The following RUVBL1 variants were observed in gnomAD, a reference collection of about 807,000 sequenced individuals.
RUVBL1 encodes RuvB like AAA ATPase 1.
A neutral mutation model predicts 52.4 loss-of-function variants in RUVBL1; 4 were observed. That is an observed-to-expected ratio of 0.08 (90% CI 0.04 to 0.17). RUVBL1 has a LOEUF of 0.17. Ranked by LOEUF, RUVBL1 falls within the 10% of genes least tolerant of loss-of-function variation. The pLI is 1.00. For missense variants in RUVBL1, 298 were observed against 572.8 expected, an observed-to-expected ratio of 0.52 and a Z score of 4.90; for synonymous variants, 217 against 214.4, an observed-to-expected ratio of 1.01 and a Z score of -0.10.
chr3:128,114,813 G>C (rs1576470457), intron 2 of RUVBL1, among the ~76,000 whole-genome samples: 1 of 150,808 alleles, frequency 6.6e-6, no homozygotes, highest in Non-Finnish European at 1.5e-5. Context: ...TCCCCGTGGG[G>C]CCACAGGCTG....
chr3:128,153,242 T>TC (rs1350481676), exon 1 of RUVBL1: 4 of 1,340,714 alleles, frequency 3.0e-6, no homozygotes, highest in Non-Finnish European at 3.8e-6. Flanking sequence ...GAAGGATCCC[T>TC]CCATCTCGGG....
intron 8 of RUVBL1, among the ~76,000 whole-genome samples, chr3:128,094,535 T>C (rs1045915040): frequency 6.6e-6 from 1 of 152,196 alleles, no homozygotes; most frequent in Non-Finnish European, 1.5e-5. Flanking sequence ...AGTGAGAGCA[T>C]GGAGTTTGGA....
intron 1 of RUVBL1, among the ~76,000 whole-genome samples, chr3:128,151,623 A>T (rs1169245388): frequency 6.6e-6 from 1 of 152,158 alleles, no homozygotes; most frequent in African/African-American, 2.4e-5. Flanking sequence ...AAACGGAAAC[A>T]AAGATTCTGT....
exon 1 of RUVBL1, chr3:128,153,347 T>C (rs1411908387): frequency 7.2e-7 from 1 of 1,379,952 alleles, no homozygotes; most frequent in Non-Finnish European, 9.3e-7. Context: ...AGCACGGCGC[T>C]CGGCTGTGCC....
Position 128,119,412 on chromosome 3 carries a change from T to C in RUVBL1, c.144A>G (p.Ala48=). The C allele has an allele frequency of 6.2e-7, 1 of 1,611,704 alleles. No homozygotes were observed. The highest frequency in any genetic ancestry group is 1.1e-5 in the South Asian group (1 of 90,846). ...GLVGQENARE[A]CGVIVELIKS... The stretch of plus-strand genomic sequence containing the variant: ...TGATTAATTCTACTATGACGCCACA[T>C]GCCTACACACCACAATGGAAAGAAA... The change falls in exon 2 of 11, where the codon GCA becomes GCG. Residue 48 remains alanine, a splice_region_variant and synonymous_variant. Coordinates refer to ENST00000322623, the MANE Select transcript of RUVBL1 (RefSeq NM_003707.3).
intron 1 of RUVBL1, among the ~76,000 whole-genome samples, chr3:128,149,186 T>G (rs892173265): frequency 6.9e-6 from 1 of 144,484 alleles, no homozygotes; most frequent in East Asian, 2.0e-4. Context: ...TCTTTCTTTC[T>G]TTCTTTTTTT....
intron 1 of RUVBL1, among the ~76,000 whole-genome samples, chr3:128,133,990 C>T (rs1036575627): frequency 6.6e-5 from 10 of 151,848 alleles, no homozygotes; most frequent in East Asian, 1.9e-4. Flanking sequence ...GGAAGCGCAA[C>T]GAAATTCAAG....
upstream of RUVBL1, among the ~76,000 whole-genome samples, chr3:128,127,735 G>A (rs909026553): frequency 1.3e-5 from 2 of 152,148 alleles, no homozygotes; most frequent in Non-Finnish European, 1.5e-5. Context: ...AGTGGCTCAC[G>A]CCTGTAATCC....
chr3:128,145,900 T>A (rs943898007), intron 1 of RUVBL1, among the ~76,000 whole-genome samples: 8 of 152,150 alleles, frequency 5.3e-5, no homozygotes, highest in Admixed American at 4.6e-4. Context: ...TTCCCCTCCC[T>A]GGAGATAACA....
At chr3:128,141,887 T>A (rs1185262725) in intron 1 of RUVBL1, 1 of 152,310 alleles carries the variant, frequency 6.6e-6, no homozygotes, top group Non-Finnish European at 1.5e-5. Context: ...ATGTTTTTAA[T>A]TAATTTTTGT....
At position 128,067,005 on chromosome 3, in the gene RUVBL1, A is replaced by G. The variant is rs775379622; in HGVS notation, c.940-1785T>C. ...GTCGGCCCGCTACCGTGGCCAGTACAACACCTATCCCATCAAGCTCTTCTA... is the reference window on the plus strand; with the variant it reads ...GTCGGCCCGCTACCGTGGCCAGTACGACACCTATCCCATCAAGCTCTTCTA... On this transcript the variant is annotated intron_variant, in intron 9 of 9. Transcript: ENST00000464873. This position sits in a 1 kb window ranked among gnomAD's most constrained non-coding sequence, Gnocchi z 4.1. 6.2e-7 allele frequency: 1 copy of G among 1,614,160 alleles called. No homozygotes were observed. The highest frequency in any genetic ancestry group is 2.2e-5 in the East Asian group (1 of 44,882).
At chr3:128,076,628 C>A (rs1433232744), downstream of RUVBL1, among the ~76,000 whole-genome samples, 1 of 152,040 alleles carries the variant, frequency 6.6e-6, no homozygotes, top group Non-Finnish European at 1.5e-5. This position sits in a 1 kb window ranked among gnomAD's most constrained non-coding sequence, Gnocchi z 6.8. Context: ...TAGGTGTGGT[C>A]CCTCCTCCCC....
intron 8 of RUVBL1, among the ~76,000 whole-genome samples, chr3:128,092,334 A>G (rs1183815361): frequency 6.6e-6 from 1 of 152,202 alleles, no homozygotes; most frequent in Non-Finnish European, 1.5e-5. Flanking sequence ...AACACAAACA[A>G]CAAAAGAAAA....
intron 1 of RUVBL1, among the ~76,000 whole-genome samples, 186 bp downstream of exon 1, chr3:128,123,398 G>A (rs1450238890): frequency 6.6e-6 from 1 of 152,166 alleles, no homozygotes; most frequent in Admixed American, 6.5e-5. Flanking sequence ...GTATCCTGGG[G>A]CGGCCCCTCA....
At chr3:128,077,157 C>G (rs1307362775), downstream of RUVBL1, among the ~76,000 whole-genome samples, 2 of 152,024 alleles carry the variant, frequency 1.3e-5, no homozygotes, top group Non-Finnish European at 2.9e-5. Flanking sequence ...GATGGCCGCC[C>G]AGCCCGCACG....
At chr3:128,089,718 T>C (rs1473343032) in intron 8 of RUVBL1, among the ~76,000 whole-genome samples, 3 of 152,026 alleles carry the variant, frequency 2.0e-5, no homozygotes, top group Admixed American at 2.0e-4. Flanking sequence ...TCTGGTTTCT[T>C]TATAGGAAAT....
chr3:128,089,335 G>A (rs1559809986), intron 8 of RUVBL1, among the ~76,000 whole-genome samples: 1 of 152,214 alleles, frequency 6.6e-6, no homozygotes, highest in Admixed American at 6.5e-5. Flanking sequence ...GCTAGTGTTT[G>A]GAGGGCCCAA....
At chr3:128,074,225 G>A (rs972809623) in intron 9 of RUVBL1, among the ~76,000 whole-genome samples, 2 of 152,166 alleles carry the variant, frequency 1.3e-5, no homozygotes, top group Non-Finnish European at 2.9e-5. Flanking sequence ...GATACATGTG[G>A]TGGATCCACA....
intron 3 of RUVBL1, among the ~76,000 whole-genome samples, chr3:128,107,779 G>A (rs893170626): frequency 6.6e-6 from 1 of 152,120 alleles, no homozygotes; most frequent in Admixed American, 6.5e-5. Flanking sequence ...AGAACACTGT[G>A]GTAAACTGGG....
Sources: allele counts gnomAD v4.1 joint callset (sites outside exome capture counted in the v4.1 genomes callset), GRCh38; gene constraint gnomAD v4.1.1; non-coding constraint Gnocchi (gnomAD v3.1); transcripts MANE v1.5; gene names NCBI Gene and HGNC (gene_info 2026-07-23, HGNC 2026-07-21).